Variants in ARMC2 observed in about 807,000 individuals in gnomAD.
ARMC2 encodes the protein armadillo repeat-containing protein 2.
ARMC2 carries 67 observed loss-of-function variants against 90.3 expected under a neutral mutation model. The observed-to-expected ratio is 0.74, with a 90% CI of 0.61 to 0.91. The LOEUF is 0.91. Ranked by LOEUF, ARMC2 falls within the 40% of genes least tolerant of loss-of-function variation. The probability of loss-of-function intolerance (pLI) is 0.00; values close to 1 mark genes in which losing one functional copy is unlikely to be tolerated. For missense variants in ARMC2, 920 were observed against 1,030.9 expected, an observed-to-expected ratio of 0.89 and a Z score of 1.47; for synonymous variants, 393 against 393.0, an observed-to-expected ratio of 1.00 and a Z score of 0.00.
In ARMC2 at chr6:108,953,097, A is replaced by G; in HGVS notation, c.1661A>G (p.Glu554Gly). 1 of 1,613,912 alleles carries G rather than the reference A, an allele frequency of 6.2e-7. No individual in the cohort carries two copies. Among genetic ancestry groups the G allele is most frequent in the Non-Finnish European group, 8.5e-7 (1 of 1,179,854 alleles). Residue 554 changes from glutamate (E) to glycine (G), a missense_variant, in exon 13 of 18, where the codon GAA (glutamate) becomes GGA (glycine). Transcript: ENST00000392644. The part of the protein sequence containing the change: ...NLTAKNNQAR[E>G]QFSKEKGSIQ... ...ACGGCAAAAAATAACCAGGCTCGTG[A>G]ACAATTTTCCAAAGAGAAAGGGAGC...
chr6:108,860,322 A>C (rs1171799811), intron 3 of ARMC2, among the ~76,000 whole-genome samples: 4 of 151,874 alleles, frequency 2.6e-5, no homozygotes, highest in Non-Finnish European at 5.9e-5. Context: ...TGCTTTTTAC[A>C]CTAGAGACTT....
At chr6:108,898,055 C>T (rs984208481) in intron 6 of ARMC2, among the ~76,000 whole-genome samples, 1 of 152,076 alleles carries the variant, frequency 6.6e-6, no homozygotes, top group Non-Finnish European at 1.5e-5. Flanking sequence ...TTAGAGATAA[C>T]CATTGTTACC....
intron 2 of ARMC2, 21 bp downstream of exon 2, chr6:108,854,506 A>C (rs1362341547): frequency 6.2e-7 from 1 of 1,600,950 alleles, no homozygotes; most frequent in African/African-American, 1.3e-5. Context: ...TTTCACATTC[A>C]TGTTCATTCA....
In ARMC2 at chr6:108,961,670, G is replaced by C; in HGVS notation, c.2014G>C (p.Asp672His). ...YYQVKNSIIQDKKLYIAELLL... is the reference protein window; with the variant it reads ...YYQVKNSIIQHKKLYIAELLL... ...CCAAGTGAAGAATTCCATAATTCAA[G>C]ACAAAAAGCTATATATTGCTGAATG... The change falls in exon 14 of 18, where the codon GAC (aspartate) becomes CAC (histidine). Residue 672 changes from aspartate to histidine, a missense_variant. By Grantham distance (81) the Asp-to-His change is moderately conservative (BLOSUM62 -1). Transcript: ENST00000392644. 1 of 1,609,028 alleles carries C rather than the reference G, an allele frequency of 6.2e-7. No individual in the cohort carries two copies. The highest frequency in any genetic ancestry group is 8.5e-7 in the Non-Finnish European group (1 of 1,178,480).
the ARMC2 span, among the ~76,000 whole-genome samples, chr6:109,032,419 C>T: frequency 5.3e-5 from 8 of 152,108 alleles, no homozygotes; most frequent in South Asian, 1.7e-3. Context: ...GAATTCAAGA[C>T]CAGCCTGGCC....
chr6:108,908,145 G>C (rs76290027), intron 8 of ARMC2, among the ~76,000 whole-genome samples: 1 of 151,956 alleles, frequency 6.6e-6, no homozygotes, highest in Non-Finnish European at 1.5e-5. Context: ...TGCTGGGGGG[G>C]GCCTGAGATT....
rs1344674581 is a variant in ARMC2, at chr6:108,973,342, A to G, written c.2447-15A>G. ...ATTTCTAAATAATGCTGTAATTTAA[A>G]TTTTTCTAATACAGATGAAGAACTA... On this transcript the variant is annotated splice_polypyrimidine_tract_variant and intron_variant, in intron 17 of 17. Transcript: ENST00000392644. 1.9e-6 allele frequency: 3 copies of G among 1,593,178 alleles called. No homozygotes were observed. Among genetic ancestry groups the G allele is most frequent in the Non-Finnish European group, 2.6e-6 (3 of 1,169,076 alleles).
At chr6:108,992,764 G>A in the ARMC2 span, 1 of 1,365,786 alleles carries the variant, frequency 7.3e-7, no homozygotes. Context: ...AGTCAATCAT[G>A]TGCATACAAG....
In ARMC2 at chr6:108,918,045, T is replaced by C. The variant is rs138549067; in HGVS notation, c.1350+5487T>C. The stretch of plus-strand genomic sequence containing the variant: ...CCTCTCAAGTAGGAAGTAGGAGATA[T>C]GAGCTGAGGCTTGGAAGAGCAGGTA... On this transcript the variant is annotated intron_variant, in intron 10 of 17. Transcript: ENST00000392644. 6.3e-3 allele frequency among the ~76,000 whole-genome samples: 960 copies of C among 152,218 alleles called. 5 individuals are homozygous for C. Among genetic ancestry groups the C allele is most frequent in the African/African-American group, 0.021 (857 of 41,540 alleles).
At chr6:108,988,699 CA>C in the ARMC2 span, 1 of 1,585,340 alleles carries the variant, frequency 6.3e-7, no homozygotes, top group Non-Finnish European at 8.6e-7. Context: ...TGTTGAAAGA[CA>C]TAATGAGAAT....
At chr6:108,881,982 C>A (rs1777627764) in intron 5 of ARMC2, among the ~76,000 whole-genome samples, 1 of 151,822 alleles carries the variant, frequency 6.6e-6, no homozygotes, top group Non-Finnish European at 1.5e-5. Flanking sequence ...AAGATAGGAA[C>A]CAACGTGGGA....
At chr6:108,884,490 G>A (rs1777889093) in intron 5 of ARMC2, among the ~76,000 whole-genome samples, 1 of 152,202 alleles carries the variant, frequency 6.6e-6, no homozygotes, top group Non-Finnish European at 1.5e-5. Context: ...TCTGACTTGA[G>A]GATCAAGGGA....
intron 6 of ARMC2, among the ~76,000 whole-genome samples, chr6:108,899,454 G>C (rs1270428866): frequency 6.6e-6 from 1 of 152,152 alleles, no homozygotes; most frequent in African/African-American, 2.4e-5. Flanking sequence ...ACTACTTTAT[G>C]AAGTGACCAG....
intron 10 of ARMC2, among the ~76,000 whole-genome samples, chr6:108,913,796 G>C (rs1188061079): frequency 6.6e-6 from 1 of 151,888 alleles, no homozygotes; most frequent in Non-Finnish European, 1.5e-5. Context: ...TTCTCCTTCT[G>C]GTTTATCCAT....
At chr6:108,946,510 T>G (rs1187816565) in intron 12 of ARMC2, among the ~76,000 whole-genome samples, 1 of 152,182 alleles carries the variant, frequency 6.6e-6, no homozygotes, top group Admixed American at 6.5e-5. Context: ...TTGCTAAAAT[T>G]TATCTGTTCT....
chr6:108,872,902 A>G (rs548278971), intron 4 of ARMC2, among the ~76,000 whole-genome samples: 5 of 152,146 alleles, frequency 3.3e-5, no homozygotes, highest in African/African-American at 1.2e-4. Flanking sequence ...CCTACCCCTC[A>G]TCTTCTTGGA....
At chr6:108,861,223 A>G (rs1017359568) in intron 3 of ARMC2, among the ~76,000 whole-genome samples, 3 of 152,184 alleles carry the variant, frequency 2.0e-5, no homozygotes, top group African/African-American at 7.2e-5. Flanking sequence ...TGAGATTGGT[A>G]TGTTAGTCAA....
At chr6:108,994,864 G>A in the ARMC2 span, among the ~76,000 whole-genome samples, 12 of 151,798 alleles carry the variant, frequency 7.9e-5, no homozygotes, top group Admixed American at 2.0e-4. Flanking sequence ...CACCATGCCC[G>A]GCTAATTTTT....
At chr6:108,937,886 C>T (rs182712848) in intron 12 of ARMC2, among the ~76,000 whole-genome samples, 6 of 151,876 alleles carry the variant, frequency 4.0e-5, no homozygotes, top group South Asian at 4.2e-4. Context: ...TTAGTAGAGA[C>T]GAGGTTTCAC....
Sources: allele counts gnomAD v4.1 joint callset (sites outside exome capture counted in the v4.1 genomes callset), GRCh38; gene constraint gnomAD v4.1.1; transcripts MANE v1.5; gene names NCBI Gene and HGNC (gene_info 2026-07-23, HGNC 2026-07-21).